Variants in TIMM23B observed in about 807,000 individuals in gnomAD.
TIMM23B encodes the protein mitochondrial import inner membrane translocase subunit Tim23B.
TIMM23B carries 27 observed loss-of-function variants against 27.3 expected under a neutral mutation model. That is an observed-to-expected ratio of 0.99 (90% CI 0.73 to 1.36). The LOEUF (loss-of-function observed/expected upper bound fraction) is 1.36. Ranked by LOEUF, TIMM23B falls within the 40% of genes most tolerant of loss-of-function variation. The probability of loss-of-function intolerance (pLI) is 0.00; values close to 1 mark genes in which losing one functional copy is unlikely to be tolerated. For missense variants in TIMM23B, 205 were observed against 244.2 expected (o/e 0.84, Z 1.07); for synonymous variants, 73 against 92.4 (o/e 0.79, Z 1.21).
At chr10:49,952,572 A>T in intron 4 of TIMM23B, 39 bp downstream of exon 4, 1 of 1,609,756 alleles carries the variant, frequency 6.2e-7, no homozygotes, top group Non-Finnish European at 8.5e-7. Context: ...TGATACTTGA[A>T]TATTAAGCTC....
intron 6 of TIMM23B, among the ~76,000 whole-genome samples, chr10:49,959,397 G>A (rs1241853284): frequency 6.6e-6 from 1 of 152,078 alleles, no homozygotes; most frequent in Non-Finnish European, 1.5e-5. Context: ...ATCATCTTAC[G>A]CTACTGGGAG....
chr10:49,942,636 T>C (rs1388156301), intron 1 of TIMM23B, among the ~76,000 whole-genome samples: 1 of 152,164 alleles, frequency 6.6e-6, no homozygotes. Flanking sequence ...TGGGAGTAAA[T>C]GTATTCCAAA....
At chr10:49,969,166 C>A (rs1448283401) in intron 6 of TIMM23B, among the ~76,000 whole-genome samples, 3 of 152,172 alleles carry the variant, frequency 2.0e-5, no homozygotes, top group African/African-American at 7.2e-5. Context: ...TTATTCACAA[C>A]AGCCATACAG....
At chr10:49,945,658 T>C (rs1839332139) in intron 2 of TIMM23B, among the ~76,000 whole-genome samples, 1 of 152,180 alleles carries the variant, frequency 6.6e-6, no homozygotes, top group African/African-American at 2.4e-5. Flanking sequence ...TCAGGGTTTT[T>C]TTGACTAAGC....
intron 2 of TIMM23B, among the ~76,000 whole-genome samples, chr10:49,948,384 A>G (rs1839419362): frequency 6.6e-6 from 1 of 152,138 alleles, no homozygotes; most frequent in South Asian, 2.1e-4. Context: ...ACTCAAGAGA[A>G]TTGAAAACCT....
chr10:49,946,512 A>G (rs1401777590), intron 2 of TIMM23B, among the ~76,000 whole-genome samples: 2 of 152,264 alleles, frequency 1.3e-5, no homozygotes, highest in Non-Finnish European at 2.9e-5. Context: ...GTTGCAGAAT[A>G]CAAGTTCAAT....
intron 2 of TIMM23B, among the ~76,000 whole-genome samples, chr10:49,946,784 G>A (rs1361050547): frequency 6.7e-6 from 1 of 149,160 alleles, no homozygotes; most frequent in Non-Finnish European, 1.5e-5. Flanking sequence ...ATCCCAGCTG[G>A]CTTTTTTGCA....
chr10:49,952,382 T>C (rs1363224008), intron 3 of TIMM23B, 67 bp from the exon 4 acceptor site: 11 of 1,548,264 alleles, frequency 7.1e-6, no homozygotes, highest in South Asian at 1.2e-5. Flanking sequence ...AGTGTAGTTA[T>C]GCAGTTTTGA....
chr10:49,961,423 G>T (rs1839900401), intron 6 of TIMM23B, among the ~76,000 whole-genome samples: 1 of 151,772 alleles, frequency 6.6e-6, no homozygotes, highest in African/African-American at 2.4e-5. Context: ...AATAATGATG[G>T]GATCACTAGA....
chr10:49,961,396 AAAAAG>A (rs1839897732), intron 6 of TIMM23B, among the ~76,000 whole-genome samples: 1 of 151,648 alleles, frequency 6.6e-6, no homozygotes, highest in Non-Finnish European at 1.5e-5. Context: ...AAAAAAAAAA[AAAAAG>A]AAAAGAAAAA....
At chr10:49,947,620 A>G (rs1256050590) in intron 2 of TIMM23B, among the ~76,000 whole-genome samples, 11 of 151,284 alleles carry the variant, frequency 7.3e-5, no homozygotes, top group African/African-American at 2.7e-4. Flanking sequence ...AAAAATAAAT[A>G]AATAAATAAA....
rs564867184 is a variant in TIMM23B, at chr10:49,965,576, A to C, written c.514+7096A>C. 2.6e-5 allele frequency among the ~76,000 whole-genome samples: 4 copies of C among 151,538 alleles called. No homozygotes were observed. In the Admixed American group the frequency reaches 2.7e-4, roughly 10 times the overall value. Reference sequence around the variant, plus strand: ...ATGAAATGATGAAATACGAAATGCCAGGTGAAATGAAATGAATAATGAAAT... The same window carrying C: ...ATGAAATGATGAAATACGAAATGCCCGGTGAAATGAAATGAATAATGAAAT... On this transcript the variant is annotated intron_variant, in intron 6 of 6. Coordinates refer to ENST00000651259, the MANE Select transcript of TIMM23B (RefSeq NM_001290117.2).
intron 6 of TIMM23B, among the ~76,000 whole-genome samples, chr10:49,965,654 G>A (rs1354123584): frequency 6.7e-6 from 1 of 149,298 alleles, no homozygotes; most frequent in Non-Finnish European, 1.5e-5. Context: ...TCTCTGTCTC[G>A]AAATGAAATG....
rs1224285669 is a variant in TIMM23B, at chr10:49,958,306, A to G, written c.404-64A>G. On this transcript the variant is annotated intron_variant, in intron 5 of 6. Coordinates refer to ENST00000651259, the MANE Select transcript of TIMM23B (RefSeq NM_001290117.2). ...AGGAACCATGGATGAAAACCAATAT[A>G]TGTATATCATAATATCACACTTTAT... 4 of 1,069,976 alleles carry G rather than the reference A, an allele frequency of 3.7e-6. No homozygotes were observed. In the African/African-American group the frequency reaches 4.6e-5, roughly 12 times the overall value. 66.3% of individuals were successfully genotyped at this position (1,069,976 alleles called of 1,614,324 possible). A position where few individuals can be genotyped will look rare whatever the true frequency, so the allele number is the denominator to read the frequency against.
At position 49,952,132 on chromosome 10, in the gene TIMM23B, G is replaced by T; in HGVS notation, c.172G>T (p.Asp58Tyr). ...VDPRYLVQDT[D>Y]EFILPTGANK... is the part of the protein sequence containing the mutation. ...TTCATTATTATCCTTTTAGGATACAGATGAGTTCATTTTACCTACCGGAGC... is the reference window on the plus strand; with the variant it reads ...TTCATTATTATCCTTTTAGGATACATATGAGTTCATTTTACCTACCGGAGC... Residue 58 changes from aspartate (D) to tyrosine (Y), a missense_variant, in exon 3 of 7, where the codon GAT becomes TAT. Asp to Tyr is a radical substitution (Grantham distance 160). Transcript: ENST00000651259. 6.3e-7 allele frequency: 1 copy of T among 1,596,406 alleles called. No individual in the cohort carries two copies. The highest frequency in any genetic ancestry group is 2.2e-5 in the East Asian group (1 of 44,788).
In TIMM23B at chr10:49,973,918, C is replaced by G. The variant is rs1348520109; in HGVS notation, c.*854C>G. 7.5e-6 allele frequency: 1 copy of G among 134,076 alleles called. No homozygotes were observed. The highest frequency in any genetic ancestry group is 1.6e-5 in the Non-Finnish European group (1 of 63,134). 8.3% of individuals were successfully genotyped at this position (134,076 alleles called of 1,614,324 possible). A position where few individuals can be genotyped will look rare whatever the true frequency, so the allele number is the denominator to read the frequency against. On this transcript the variant is annotated 3_prime_UTR_variant, in exon 7 of 7. Transcript: ENST00000651259. ...CCGGCTTCAAGCAGTTCTCCTGCCTCAGCCTCCCAAGTAGCTGGGACTACA... is the reference window on the plus strand; with the variant it reads ...CCGGCTTCAAGCAGTTCTCCTGCCTGAGCCTCCCAAGTAGCTGGGACTACA...
chr10:49,961,155 G>A (rs1459698510), intron 6 of TIMM23B, among the ~76,000 whole-genome samples: 1 of 151,018 alleles, frequency 6.6e-6, no homozygotes, highest in Non-Finnish European at 1.5e-5. Context: ...AGGCTGAGGC[G>A]GGTGGATCCC....
At chr10:49,954,675 G>A (rs1839654906) in intron 4 of TIMM23B, among the ~76,000 whole-genome samples, 1 of 150,636 alleles carries the variant, frequency 6.6e-6, no homozygotes, top group East Asian at 1.9e-4. Flanking sequence ...GTCATTCAAA[G>A]CCTTATATAT....
intron 5 of TIMM23B, 146 bp downstream of exon 5, chr10:49,955,206 A>G (rs1231201983): frequency 3.5e-6 from 3 of 845,998 alleles, no homozygotes; most frequent in Non-Finnish European, 5.7e-6. Flanking sequence ...TGTAGATACT[A>G]CTTAGGGAAA....
Sources: gnomAD v4.1 joint callset for allele counts (sites outside exome capture counted in the v4.1 genomes callset) on GRCh38, gnomAD v4.1.1 for gene constraint, MANE v1.5 for transcripts, NCBI Gene and HGNC (gene_info 2026-07-23, HGNC 2026-07-21) for gene names.